Variants in PCDH9 observed in about 807,000 individuals in gnomAD.
PCDH9 encodes the protein protocadherin-9.
Under a neutral mutation model 70.6 loss-of-function variants are expected in PCDH9, and 24 were observed. The observed-to-expected ratio is 0.34, with a 90% CI of 0.25 to 0.48. The LOEUF is 0.48. Ranked by LOEUF, PCDH9 falls within the 20% of genes least tolerant of loss-of-function variation. The pLI is 0.99. For synonymous variants in PCDH9, 562 were observed against 558.5 expected, an observed-to-expected ratio of 1.01 and a Z score of -0.09; for missense variants, 1,281 against 1,503.6, an observed-to-expected ratio of 0.85 and a Z score of 2.45.
intron 3 of PCDH9, among the ~76,000 whole-genome samples, chr13:66,687,907 T>C (rs2078427558): frequency 6.6e-6 from 1 of 152,152 alleles, no homozygotes; most frequent in East Asian, 1.9e-4. Context: ...GAGGATGAAA[T>C]TCAAAAGTTT....
Position 67,226,511 on chromosome 13 carries a change from C to T in PCDH9, c.1930G>A (p.Asp644Asn). The change falls in exon 2 of 5, where the codon GAT becomes AAT. Residue 644 changes from aspartate to asparagine, a missense_variant. Coordinates refer to ENST00000377865, the MANE Select transcript of PCDH9 (RefSeq NM_203487.3). This position sits in a 1 kb window ranked among gnomAD's most constrained non-coding sequence, Gnocchi z 5.0. The stretch of plus-strand genomic sequence containing the variant: ...TGTCCTCCATCAGTGGCTTTGACAT[C>T]AAAAGTGTAGGAACTCTGCTGCTCT... Reference protein sequence around the residue: ...DREQQSSYTFDVKATDGGQPP... With the variant: ...DREQQSSYTFNVKATDGGQPP... The T allele has an allele frequency of 6.2e-7, 1 of 1,614,090 alleles. No individual in the cohort carries two copies.
intron 2 of PCDH9, among the ~76,000 whole-genome samples, chr13:67,195,174 C>G (rs1163970060): frequency 6.7e-6 from 1 of 150,248 alleles, no homozygotes; most frequent in Non-Finnish European, 1.5e-5. Context: ...GAGACAGAGT[C>G]TCGCTCTTTC....
chr13:66,846,607 C>G (rs2081214858), intron 3 of PCDH9, among the ~76,000 whole-genome samples: 1 of 151,520 alleles, frequency 6.6e-6, no homozygotes. Context: ...TATATTTTAT[C>G]TTCGCTTTCC....
intron 3 of PCDH9, among the ~76,000 whole-genome samples, chr13:66,809,184 G>A (rs1594088679): frequency 1.3e-5 from 2 of 152,036 alleles, no homozygotes; most frequent in African/African-American, 4.8e-5. Context: ...TCCTGACCTC[G>A]TGATCCACCC....
At chr13:66,926,339 T>C (rs2082717654) in intron 2 of PCDH9, among the ~76,000 whole-genome samples, 1 of 151,944 alleles carries the variant, frequency 6.6e-6, no homozygotes, top group African/African-American at 2.4e-5. Flanking sequence ...GGACAGCACC[T>C]TATTCACTAC....
chr13:66,941,472 T>TA (rs2083005650), intron 2 of PCDH9, among the ~76,000 whole-genome samples: 1 of 151,646 alleles, frequency 6.6e-6, no homozygotes, highest in Admixed American at 6.6e-5. Context: ...CCATAATGAA[T>TA]AAAAAGCAAT....
At chr13:67,188,436 C>G (rs1253185148) in intron 2 of PCDH9, among the ~76,000 whole-genome samples, 1 of 151,924 alleles carries the variant, frequency 6.6e-6, no homozygotes, top group African/African-American at 2.4e-5. Flanking sequence ...AGAAAATAAT[C>G]TTAAAGGTAT....
At chr13:67,003,935 C>T (rs1286874980) in intron 2 of PCDH9, among the ~76,000 whole-genome samples, 1 of 152,112 alleles carries the variant, frequency 6.6e-6, no homozygotes, top group Admixed American at 6.5e-5. Context: ...GATGGATGTG[C>T]CCGTTCCCAT....
intron 3 of PCDH9, among the ~76,000 whole-genome samples, chr13:66,768,468 A>G (rs1312563565): frequency 6.6e-6 from 1 of 152,092 alleles, no homozygotes; most frequent in Non-Finnish European, 1.5e-5. Context: ...AATATACTCT[A>G]TGCTAGTGAA....
At chr13:67,091,076 A>C (rs1163770861) in intron 2 of PCDH9, among the ~76,000 whole-genome samples, 1 of 152,094 alleles carries the variant, frequency 6.6e-6, no homozygotes, top group Non-Finnish European at 1.5e-5. Context: ...GAAATGACTC[A>C]GTTTCAACTT....
chr13:67,088,278 C>A (rs746091090), intron 2 of PCDH9, among the ~76,000 whole-genome samples: 4 of 151,816 alleles, frequency 2.6e-5, no homozygotes, highest in Non-Finnish European at 4.4e-5. Flanking sequence ...TTAGTTTTAC[C>A]CAGCATCTAT....
At chr13:67,229,108 T>C (rs1191906518) in intron 1 of PCDH9, among the ~76,000 whole-genome samples, 5 of 152,220 alleles carry the variant, frequency 3.3e-5, no homozygotes, top group African/African-American at 1.2e-4. Context: ...GAAACGAGCA[T>C]CCGGACATGC....
At chr13:67,096,481 C>T (rs533669964) in intron 2 of PCDH9, among the ~76,000 whole-genome samples, 2 of 152,154 alleles carry the variant, frequency 1.3e-5, no homozygotes, top group East Asian at 1.9e-4. Flanking sequence ...ATAATCTCCC[C>T]GTAGATTGAT....
At chr13:66,393,534 C>T (rs1290292120) in intron 4 of PCDH9, among the ~76,000 whole-genome samples, 1 of 152,090 alleles carries the variant, frequency 6.6e-6, no homozygotes, top group Non-Finnish European at 1.5e-5. Flanking sequence ...GATTCATGTC[C>T]TTAGGGAATG....
chr13:66,554,125 T>C (rs1355722712), intron 4 of PCDH9, among the ~76,000 whole-genome samples: 1 of 152,206 alleles, frequency 6.6e-6, no homozygotes, highest in Non-Finnish European at 1.5e-5. Context: ...CACTCTGTTC[T>C]GTATTTTAGA....
At chr13:66,944,949 G>A (rs2139689887) in intron 2 of PCDH9, among the ~76,000 whole-genome samples, 1 of 151,640 alleles carries the variant, frequency 6.6e-6, no homozygotes, top group African/African-American at 2.4e-5. Flanking sequence ...TTATTCTGTT[G>A]TGGCTCAGGA....
At chr13:66,831,847 T>A (rs2080930999) in intron 3 of PCDH9, among the ~76,000 whole-genome samples, 1 of 151,858 alleles carries the variant, frequency 6.6e-6, no homozygotes, top group Admixed American at 6.6e-5. Flanking sequence ...ACACTCAGCA[T>A]CTGGGACAAC....
At chr13:67,126,041 C>T (rs1301396179) in intron 2 of PCDH9, among the ~76,000 whole-genome samples, 1 of 152,086 alleles carries the variant, frequency 6.6e-6, no homozygotes, top group Non-Finnish European at 1.5e-5. Flanking sequence ...ACCCCATTTT[C>T]CTGATGAGAA....
intron 2 of PCDH9, among the ~76,000 whole-genome samples, chr13:67,184,831 T>C (rs1050717951): frequency 6.6e-6 from 1 of 152,128 alleles, no homozygotes; most frequent in African/African-American, 2.4e-5. Context: ...AATAGTGCAG[T>C]TTTTCACTAT....
Sources: gnomAD v4.1 joint callset for allele counts (sites outside exome capture counted in the v4.1 genomes callset) on GRCh38, gnomAD v4.1.1 for gene constraint, Gnocchi (gnomAD v3.1) non-coding constraint, MANE v1.5 for transcripts, NCBI Gene and HGNC (gene_info 2026-07-23, HGNC 2026-07-21) for gene names.